The following ZNF816 variants were observed in gnomAD, a reference collection of about 807,000 sequenced individuals.
ZNF816 encodes zinc finger protein 816A.
In ZNF816, 11 loss-of-function variants were observed where a neutral mutation model predicts 8.3. The ratio of observed to expected loss-of-function variants is 1.32; its 90% confidence interval spans 0.83 to 2.19. The LOEUF is 2.19. Among genes scored for constraint, ZNF816 ranks in the 30% most tolerant of loss-of-function variants. The pLI, the probability that ZNF816 is intolerant of heterozygous loss-of-function variation, is 0.00. For synonymous variants in ZNF816, 255 were observed against 254.5 expected, an observed-to-expected ratio of 1.00 and a Z score of -0.02; for missense variants, 710 against 779.3, an observed-to-expected ratio of 0.91 and a Z score of 1.06.
intron 2 of ZNF816, among the ~76,000 whole-genome samples, chr19:52,953,768 G>A (rs2122152723): frequency 6.9e-6 from 1 of 144,312 alleles, no homozygotes; most frequent in South Asian, 2.1e-4. Flanking sequence ...GTCCAGACAT[G>A]GTGGCTCACA....
intron 3 of ZNF816, 157 bp from the exon 4 acceptor site, chr19:52,951,741 T>G (rs1251040232): frequency 1.4e-6 from 1 of 732,408 alleles, no homozygotes; most frequent in Non-Finnish European, 2.0e-6. Flanking sequence ...CTACTGAACA[T>G]ACAAAAATTA....
At position 52,950,663 on chromosome 19, in the gene ZNF816, C is replaced by G; in HGVS notation, c.1112G>C (p.Cys371Ser). 1 of 1,614,194 alleles carries G rather than the reference C, an allele frequency of 6.2e-7. No homozygotes were observed. ...AIHTGEKPYK[C>S]NECGKTFSQK... ...ACTGAAGGTCTTGCCACACTCATTA[C>G]ACTTGTAAGGTTTCTCTCCAGTATG... is the stretch of plus-strand genomic sequence containing the variant. Residue 371 changes from cysteine (C) to serine (S), a missense_variant, in exon 4 of 4, where the codon TGT (cysteine) becomes TCT (serine). Coordinates refer to ENST00000444460, the MANE Select transcript of ZNF816 (RefSeq NM_001202457.3).
At chr19:52,961,287 AG>A (rs934162039) in intron 1 of ZNF816, among the ~76,000 whole-genome samples, 19 of 152,326 alleles carry the variant, frequency 1.2e-4, no homozygotes, top group African/African-American at 4.6e-4. Context: ...AGAAGAAAAA[AG>A]AATCCCCAAA....
intron 3 of ZNF816, chr19:52,951,899 G>GA (rs201936510): frequency 2.6e-3 from 931 of 354,388 alleles, no homozygotes; most frequent in South Asian, 7.1e-3. Flanking sequence ...ATTCTGTGTA[G>GA]AAAAAAAAAA....
chr19:52,951,396 C>A lies in ZNF816; in HGVS notation c.379G>T (p.Ala127Ser). Residue 127 changes from alanine (A) to serine (S), a missense_variant, in exon 4 of 4, where the codon GCA (alanine) becomes TCA (serine). Physicochemically the swap from Ala to Ser is moderately conservative, Grantham distance 99. Transcript: ENST00000444460. ...AACTTTTTGATTTTTGTCATGGGTG[C>A]TTCATGGCCATTTCTTTCAACTTCT... ...WQEVERNGHE[A>S]PMTKIKKLTG... is the part of the protein sequence containing the mutation. 6.2e-7 allele frequency: 1 copy of A among 1,614,014 alleles called. No individual in the cohort carries two copies. Among genetic ancestry groups the A allele is most frequent in the Non-Finnish European group, 8.5e-7 (1 of 1,179,942 alleles).
At chr19:52,954,360 CAAAA>C (rs1404909299) in intron 2 of ZNF816, among the ~76,000 whole-genome samples, 1 of 148,466 alleles carries the variant, frequency 6.7e-6, no homozygotes, top group African/African-American at 2.6e-5. Flanking sequence ...AACTCCGTCT[CAAAA>C]AAAACAAACA....
rs369354233 is a variant in ZNF816 at position 52,951,105 on chromosome 19, T to C, written c.670A>G (p.Met224Val). 1.1e-4 allele frequency: 180 copies of C among 1,613,912 alleles called. No homozygotes were observed. Among genetic ancestry groups the C allele is most frequent in the Non-Finnish European group, 1.4e-4 (170 of 1,180,000 alleles). The change falls in exon 4 of 4, where the codon ATG becomes GTG. Residue 224 changes from methionine (M) to valine (V), a missense_variant. Met to Val is a conservative substitution (Grantham distance 21, BLOSUM62 1). Transcript: ENST00000444460. ...TTACTTTGGCAAGGTTTTTCTCTCATGCATATTTCCTGTATTTGTGTGAAT... is the reference window on the plus strand; with the variant it reads ...TTACTTTGGCAAGGTTTTTCTCTCACGCATATTTCCTGTATTTGTGTGAAT... ...SSFTQIQEIC[M>V]REKPCQSNEC...
Position 52,950,547 on chromosome 19 carries a change from A to T in ZNF816, c.1228T>A (p.Ser410Thr), listed in dbSNP as rs992176126. Reference protein sequence around the residue: ...EECDNVYIRRSHLERHRKIHT... With the variant: ...EECDNVYIRRTHLERHRKIHT... The stretch of plus-strand genomic sequence containing the variant: ...ATCTTCCTATGTCTTTCAAGGTGTG[A>T]TCTGCGAATGTAAACATTGTCACAT... Residue 410 changes from serine to threonine, a missense_variant, in exon 4 of 4, where the codon TCA (serine) becomes ACA (threonine). Physicochemically the swap from Ser to Thr is moderately conservative, Grantham distance 58. Transcript: ENST00000444460. 1 of 1,612,814 alleles carries T rather than the reference A, an allele frequency of 6.2e-7. No individual in the cohort carries two copies. Among genetic ancestry groups the T allele is most frequent in the Non-Finnish European group, 8.5e-7 (1 of 1,179,536 alleles).
chr19:52,950,644 G>A lies in ZNF816; in HGVS notation c.1131C>T (p.Thr377=), dbSNP rs760341394. 7.4e-6 allele frequency: 12 copies of A among 1,613,710 alleles called. No individual in the cohort carries two copies. In the African/African-American group the frequency reaches 1.5e-4, roughly 20 times the overall value. The change falls in exon 4 of 4, where the codon ACC becomes ACT. Residue 377 remains threonine, a synonymous_variant. Transcript: ENST00000444460. ...KPYKCNECGK[T]FSQKSSLQCH... ...ATTGAAGGGATGATTTCTGACTGAAGGTCTTGCCACACTCATTACACTTGT... is the reference window on the plus strand; with the variant it reads ...ATTGAAGGGATGATTTCTGACTGAAAGTCTTGCCACACTCATTACACTTGT...
Position 52,950,725 on chromosome 19 carries a change from A to G in ZNF816, c.1050T>C (p.Phe350=). 3 of 1,613,302 alleles carry G rather than the reference A, an allele frequency of 1.9e-6. No homozygotes were observed. The highest frequency in any genetic ancestry group is 2.5e-6 in the Non-Finnish European group (3 of 1,179,818). Residue 350 remains phenylalanine (F), a synonymous_variant, in exon 4 of 4, where the codon TTT becomes TTC. Coordinates refer to ENST00000444460, the MANE Select transcript of ZNF816 (RefSeq NM_001202457.3). ...PYKCNECGKT[F]GRNSALVIHK... ...GAATTACAAGGGCTGAATTTCGACC[A>G]AAAGTCTTGCCACACTCATTACACT...
chr19:52,961,272 A>G (rs2083554426), intron 1 of ZNF816, among the ~76,000 whole-genome samples: 1 of 152,238 alleles, frequency 6.6e-6, no homozygotes, highest in African/African-American at 2.4e-5. Context: ...AATAATAACT[A>G]GAACAGAAGA....
intron 1 of ZNF816, chr19:52,960,251 G>T: frequency 3.6e-6 from 1 of 276,608 alleles, no homozygotes; most frequent in South Asian, 3.6e-5. Context: ...AGCCCCCTTT[G>T]AAGATCTCCA....
Position 52,956,007 on chromosome 19 carries a change from C to T in ZNF816, c.63+20G>A. Reference sequence around the variant, plus strand: ...CAGAAAGGAAAGAGACAGAAGAATCCACCAAGGAATATCACTTACCTGAGG... The same window carrying T: ...CAGAAAGGAAAGAGACAGAAGAATCTACCAAGGAATATCACTTACCTGAGG... On this transcript the variant is annotated intron_variant, in intron 2 of 3. Transcript: ENST00000444460. The T allele has an allele frequency of 6.3e-7, 1 of 1,597,734 alleles. No individual in the cohort carries two copies. Among genetic ancestry groups the T allele is most frequent in the Non-Finnish European group, 8.5e-7 (1 of 1,175,374 alleles).
At position 52,950,699 on chromosome 19, in the gene ZNF816, T is replaced by C; in HGVS notation, c.1076A>G (p.His359Arg). The C allele has an allele frequency of 6.2e-7, 1 of 1,614,186 alleles. No individual in the cohort carries two copies. The highest frequency in any genetic ancestry group is 8.5e-7 in the Non-Finnish European group (1 of 1,180,026). The change falls in exon 4 of 4, where the codon CAT becomes CGT. Residue 359 changes from histidine (H) to arginine (R), a missense_variant. Coordinates refer to ENST00000444460, the MANE Select transcript of ZNF816 (RefSeq NM_001202457.3). ...TFGRNSALVI[H>R]KAIHTGEKPY... ...TTTCTCTCCAGTATGAATTGCCTTA[T>C]GAATTACAAGGGCTGAATTTCGACC...
At position 52,956,031 on chromosome 19, in the gene ZNF816, G is replaced by C; in HGVS notation, c.59C>G (p.Pro20Arg). Residue 20 changes from proline to arginine, a missense_variant, in exon 2 of 4, where the codon CCT (proline) becomes CGT (arginine). Pro to Arg is a moderately radical substitution (Grantham distance 103). Transcript: ENST00000444460. ...CCACCAAGGAATATCACTTACCTGA[G>C]GAAGAGCCATCCCTGGCTCCTTTTC... ...SKEKEPGMAL[P>R]QGRLTFRDVA... 6.2e-7 allele frequency: 1 copy of C among 1,610,328 alleles called. No individual in the cohort carries two copies. Among genetic ancestry groups the C allele is most frequent in the Admixed American group, 1.7e-5 (1 of 58,598 alleles).
chr19:52,961,166 C>G (rs1431663811), intron 1 of ZNF816, among the ~76,000 whole-genome samples: 2 of 152,162 alleles, frequency 1.3e-5, no homozygotes, highest in Non-Finnish European at 1.5e-5. Context: ...CAGGAAATGA[C>G]AAACCTACTA....
At position 52,951,520 on chromosome 19, in the gene ZNF816, G is replaced by T. The variant is rs1205307511; in HGVS notation, c.255C>A (p.Ile85=). 1 of 1,609,056 alleles carries T rather than the reference G, an allele frequency of 6.2e-7. No homozygotes were observed. The highest frequency in any genetic ancestry group is 1.7e-5 in the Admixed American group (1 of 59,528). The change falls in exon 4 of 4, where the codon ATC becomes ATA. Residue 85 remains isoleucine (I), a synonymous_variant. Transcript: ENST00000444460. The stretch of plus-strand genomic sequence containing the variant: ...TATGTCTTTGCAACGTCCCTGTGTG[G>T]ATCACTTCTCCTGTAATACTGTGCC... ...STRHSITGEV[I]HTGTLQRHKS...
At position 52,950,669 on chromosome 19, in the gene ZNF816, T is replaced by C. The variant is rs999358382; in HGVS notation, c.1106A>G (p.Tyr369Cys). 11 of 1,614,182 alleles carry C rather than the reference T, an allele frequency of 6.8e-6. No individual in the cohort carries two copies. Among genetic ancestry groups the C allele is most frequent in the Admixed American group, 1.7e-5 (1 of 60,028 alleles). The change falls in exon 4 of 4, where the codon TAC (tyrosine) becomes TGC (cysteine). Residue 369 changes from tyrosine (Y) to cysteine (C), a missense_variant. By Grantham distance (194) the Tyr-to-Cys change is radical. Transcript: ENST00000444460. ...HKAIHTGEKPYKCNECGKTFS... is the reference protein window; with the variant it reads ...HKAIHTGEKPCKCNECGKTFS... ...GGTCTTGCCACACTCATTACACTTG[T>C]AAGGTTTCTCTCCAGTATGAATTGC...
intron 1 of ZNF816, among the ~76,000 whole-genome samples, chr19:52,960,352 C>A (rs890992536): frequency 2.0e-5 from 3 of 152,142 alleles, no homozygotes; most frequent in African/African-American, 7.2e-5. Flanking sequence ...AGGCTTATCC[C>A]ACACGAACTG....
Sources: allele counts gnomAD v4.1 joint callset (sites outside exome capture counted in the v4.1 genomes callset), GRCh38; gene constraint gnomAD v4.1.1; transcripts MANE v1.5; gene names NCBI Gene and HGNC (gene_info 2026-07-23, HGNC 2026-07-21).